Variants in STK32C observed in about 807,000 individuals in gnomAD.
The protein encoded by STK32C is serine/threonine kinase 32C.
STK32C carries 31 observed loss-of-function variants against 56.5 expected under a neutral mutation model. That is an observed-to-expected ratio of 0.55 (90% CI 0.41 to 0.74). The LOEUF is 0.74. STK32C is among the 30% of genes least tolerant of loss of function. The probability of loss-of-function intolerance (pLI) is 0.00; values close to 1 mark genes in which losing one functional copy is unlikely to be tolerated. For synonymous variants in STK32C, 309 were observed against 289.4 expected (o/e 1.07, Z -0.69); for missense variants, 544 against 676.9 (o/e 0.80, Z 2.18).
At chr10:132,219,791 C>A (rs1157266953) in intron 10 of STK32C, among the ~76,000 whole-genome samples, 1 of 152,194 alleles carries the variant, frequency 6.6e-6, no homozygotes, top group East Asian at 1.9e-4. Context: ...GACCCCACCC[C>A]TGCCCCCCAC....
chr10:132,209,319 A>T, intron 10 of STK32C: 1 of 710,414 alleles, frequency 1.4e-6, no homozygotes, highest in Non-Finnish European at 2.6e-6. Flanking sequence ...GCCAAGGCCC[A>T]GCTCCCTTGC....
chr10:132,322,565 A>G (rs11146327), downstream of STK32C, among the ~76,000 whole-genome samples: 4,072 of 152,334 alleles, frequency 0.027, 93 homozygotes, highest in African/African-American at 0.046. Context: ...GGCGCATAGC[A>G]TACCTGTGGG....
chr10:132,220,358 G>A lies in STK32C; in HGVS notation c.1251+2283C>T, dbSNP rs936815862. Among the ~76,000 whole-genome samples the A allele has an allele frequency of 9.2e-5, 14 of 152,232 alleles. 1 individual carries two copies. On this transcript the variant is annotated intron_variant, in intron 10 of 11. Transcript: ENST00000298630. ...CCCGGAGAGCCTTCAGAGGGGGCAC[G>A]GCTTTGCTGACATCTTAACTTTGGA...
At chr10:132,325,713 C>CT (rs573842466) in intron 1 of STK32C, among the ~76,000 whole-genome samples, 287 of 148,358 alleles carry the variant, frequency 1.9e-3, no homozygotes, top group African/African-American at 6.7e-3. Flanking sequence ...ATCGCCCAGT[C>CT]TTTGGTATGT....
intron 2 of STK32C, among the ~76,000 whole-genome samples, chr10:132,236,521 C>T (rs1441807272): frequency 6.6e-6 from 1 of 152,224 alleles, no homozygotes; most frequent in Non-Finnish European, 1.5e-5. Context: ...TTCCTTCTCA[C>T]TCGCGGGCTC....
chr10:132,273,204 G>A (rs563012693), intron 1 of STK32C, among the ~76,000 whole-genome samples: 9 of 152,188 alleles, frequency 5.9e-5, no homozygotes, highest in East Asian at 3.9e-4. Context: ...ATAGGCTGAC[G>A]GGGCATCTGA....
intron 10 of STK32C, among the ~76,000 whole-genome samples, chr10:132,218,258 G>T (rs1312712878): frequency 6.6e-6 from 1 of 152,052 alleles, no homozygotes; most frequent in African/African-American, 2.4e-5. Flanking sequence ...AGTCAAGGCT[G>T]AAGTGAGCCT....
chr10:132,224,637 C>T, intron 7 of STK32C, 114 bp from the exon 8 acceptor site: 3 of 759,468 alleles, frequency 4.0e-6, no homozygotes, highest in Non-Finnish European at 6.7e-6. Flanking sequence ...ACCCCAAGTG[C>T]AGGCACAGCT....
intron 1 of STK32C, among the ~76,000 whole-genome samples, chr10:132,261,271 C>T (rs1486826592): frequency 1.3e-5 from 2 of 152,168 alleles, no homozygotes; most frequent in African/African-American, 4.8e-5. Flanking sequence ...AACTGACAAA[C>T]GACCTCAGTA....
chr10:132,298,978 T>G (rs1195374283), intron 1 of STK32C, among the ~76,000 whole-genome samples: 1 of 152,110 alleles, frequency 6.6e-6, no homozygotes, highest in African/African-American at 2.4e-5. Context: ...TATGAGGAAA[T>G]TCATTAAGCA....
intron 1 of STK32C, among the ~76,000 whole-genome samples, chr10:132,294,796 C>G (rs2065685277): frequency 6.6e-6 from 1 of 152,022 alleles, no homozygotes; most frequent in Non-Finnish European, 1.5e-5. Context: ...GTTCTGTATT[C>G]CAGAGCCCTG....
intron 1 of STK32C, among the ~76,000 whole-genome samples, chr10:132,293,102 G>C (rs575677319): frequency 6.6e-6 from 1 of 152,256 alleles, no homozygotes; most frequent in African/African-American, 2.4e-5. Flanking sequence ...CGTGCGGGGC[G>C]GTCAGTGCAG....
intron 1 of STK32C, among the ~76,000 whole-genome samples, chr10:132,305,789 G>A (rs11597612): frequency 0.14 from 21,814 of 152,212 alleles, 2,006 homozygotes; most frequent in Non-Finnish European, 0.21. Context: ...AGCGGTCACC[G>A]CCCAGAGATG....
chr10:132,268,428 C>T (rs1227309027), intron 1 of STK32C, among the ~76,000 whole-genome samples: 1 of 136,082 alleles, frequency 7.3e-6, no homozygotes, highest in East Asian at 2.3e-4. Context: ...CATGTGTATG[C>T]AGGTGCAGCT....
intron 1 of STK32C, among the ~76,000 whole-genome samples, chr10:132,252,449 C>T (rs2063942497): frequency 6.6e-6 from 1 of 152,276 alleles, no homozygotes. Flanking sequence ...GCGTGATTTA[C>T]GCCGTGCAGT....
intron 2 of STK32C, among the ~76,000 whole-genome samples, chr10:132,239,891 G>A (rs755193100): frequency 6.6e-6 from 1 of 152,208 alleles, no homozygotes. Flanking sequence ...GGACAGGGAC[G>A]CATCACTCGC....
At chr10:132,209,761 T>C (rs2062230891) in intron 10 of STK32C, among the ~76,000 whole-genome samples, 1 of 152,130 alleles carries the variant, frequency 6.6e-6, no homozygotes, top group Admixed American at 6.5e-5. Flanking sequence ...TGAACTTGGA[T>C]GGTGACGTTG....
rs764718874 is a variant in STK32C, at chr10:132,227,995, A to T, written c.452T>A (p.Val151Asp). ...ELEILQEIEH[V>D]FLVNLWYSFQ... is the part of the protein sequence containing the mutation. ...GGCTCACCAGAGGTTCACCAGGAAG[A>T]CGTGCTCGATCTCCTGCAGGATCTC... Residue 151 changes from valine to aspartate, a missense_variant, in exon 3 of 12, where the codon GTC becomes GAC. Physicochemically the swap from Val to Asp is radical, Grantham distance 152. Transcript: ENST00000298630. 3.1e-6 allele frequency: 5 copies of T among 1,613,496 alleles called. No homozygotes were observed. The Admixed American group carries it at 8.3e-5, about 27-fold the overall frequency.
chr10:132,314,304 A>T (rs2066275129), intron 1 of STK32C, among the ~76,000 whole-genome samples: 1 of 152,250 alleles, frequency 6.6e-6, no homozygotes, highest in Admixed American at 6.5e-5. Flanking sequence ...CTTTTCTGAC[A>T]TTCCCTGGAA....
Sources: allele counts gnomAD v4.1 joint callset (sites outside exome capture counted in the v4.1 genomes callset), GRCh38; gene constraint gnomAD v4.1.1; transcripts MANE v1.5; gene names NCBI Gene and HGNC (gene_info 2026-07-23, HGNC 2026-07-21).